The following DST variants were observed in gnomAD, a reference collection of about 807,000 sequenced individuals.
DST encodes dystonin.
Under a neutral mutation model 875.2 loss-of-function variants are expected in DST, and 253 were observed. That is an observed-to-expected ratio of 0.29 (90% confidence interval 0.26 to 0.32). The LOEUF is 0.32. Ranked by LOEUF, DST falls within the 10% of genes least tolerant of loss-of-function variation. DST has a pLI of 1.00. For missense variants in DST, 8,287 were observed against 9,111.6 expected (o/e 0.91, Z 3.68); for synonymous variants, 3,124 against 3,197.1 (o/e 0.98, Z 0.77).
At chr6:56,486,362 CAAAAAAAAAA>C (rs61164880) in intron 87 of DST, among the ~76,000 whole-genome samples, 392 of 34,034 alleles carry the variant, frequency 0.012, 7 homozygotes, top group South Asian at 0.095. Flanking sequence ...GACTCCGTCT[CAAAAAAAAAA>C]AAAAAAAAAA....
intron 4 of DST, among the ~76,000 whole-genome samples, chr6:56,830,128 A>G (rs1412230194): frequency 1.3e-5 from 2 of 152,188 alleles, no homozygotes; most frequent in African/African-American, 4.8e-5. Flanking sequence ...GAAGCTTGTA[A>G]TTACATGGAA....
rs1013788508 is a variant in DST, at chr6:56,526,622, T to G, written c.17923-55A>C. The stretch of plus-strand genomic sequence containing the variant: ...TTAAGAGCTTCAACAGACTTTTCCT[T>G]TAACTGTTCTTGGAGCTCAAGTCCT... On this transcript the variant is annotated intron_variant, in intron 68 of 103. Transcript: ENST00000680361. The G allele has an allele frequency of 4.3e-5, 66 of 1,525,080 alleles. No individual in the cohort carries two copies. In the African/African-American group the frequency reaches 8.4e-4, roughly 19 times the overall value. The allele number at this position is 1,525,080 out of a possible 1,614,324, so 94.5% of individuals were successfully genotyped here.
intron 4 of DST, among the ~76,000 whole-genome samples, chr6:56,809,913 C>T (rs2099757870): frequency 6.6e-6 from 1 of 152,224 alleles, no homozygotes; most frequent in Middle Eastern, 3.4e-3. Flanking sequence ...AGCATTTTTA[C>T]CTATCAGTAT....
chr6:56,891,282 G>A (rs2127661975), intron 3 of DST, among the ~76,000 whole-genome samples: 1 of 152,302 alleles, frequency 6.6e-6, no homozygotes, highest in Non-Finnish European at 1.5e-5. Context: ...ACCTCTCCCA[G>A]CTGGATGTGG....
chr6:56,766,671 C>G (rs373366699), intron 4 of DST, among the ~76,000 whole-genome samples: 7 of 152,250 alleles, frequency 4.6e-5, no homozygotes, highest in African/African-American at 1.7e-4. Context: ...GCTGGGATTA[C>G]AGGCACGCGC....
chr6:56,673,024 A>G (rs995902272), intron 9 of DST, among the ~76,000 whole-genome samples: 7 of 152,076 alleles, frequency 4.6e-5, no homozygotes, highest in Non-Finnish European at 7.4e-5. Context: ...GGAGGCCAAA[A>G]TGAGAGGATC....
At chr6:56,902,252 G>T (rs1285565796) in intron 2 of DST, among the ~76,000 whole-genome samples, 3 of 152,218 alleles carry the variant, frequency 2.0e-5, no homozygotes, top group African/African-American at 7.2e-5. Flanking sequence ...AATGATCCAA[G>T]AAGGGCTTCT....
chr6:56,475,248 A>C (rs1277407772), intron 92 of DST, among the ~76,000 whole-genome samples: 1 of 152,124 alleles, frequency 6.6e-6, no homozygotes. Context: ...GATGGGGAAA[A>C]GGAGACCCAG....
intron 2 of DST, among the ~76,000 whole-genome samples, chr6:56,902,858 C>A: frequency 6.6e-6 from 1 of 152,150 alleles, no homozygotes; most frequent in Non-Finnish European, 1.5e-5. Context: ...AACCAACAAC[C>A]ATACAGGCTG....
At chr6:56,596,628 C>G (rs1344405125) in intron 47 of DST, among the ~76,000 whole-genome samples, 1 of 152,160 alleles carries the variant, frequency 6.6e-6, no homozygotes, top group Non-Finnish European at 1.5e-5. Context: ...TCCCATTCTT[C>G]TTCTGGTTTA....
At chr6:56,784,846 T>C (rs893946984) in intron 4 of DST, among the ~76,000 whole-genome samples, 20 of 152,192 alleles carry the variant, frequency 1.3e-4, no homozygotes, top group African/African-American at 4.8e-4. Flanking sequence ...TTTTTCCCCA[T>C]CTTTATGGTT....
intron 3 of DST, among the ~76,000 whole-genome samples, chr6:56,854,811 A>G (rs973755943): frequency 6.6e-6 from 1 of 152,238 alleles, no homozygotes; most frequent in Admixed American, 6.5e-5. Context: ...GCACCCCTGA[A>G]AAGTTAATGA....
At chr6:56,542,829 G>A (rs1350664382) in intron 61 of DST, 1 of 152,266 alleles carries the variant, frequency 6.6e-6, no homozygotes, top group African/African-American at 2.4e-5. Flanking sequence ...TGGGCCTGCC[G>A]GGCGTTCCGG....
At chr6:56,850,905 T>C (rs1403618761) in intron 4 of DST, among the ~76,000 whole-genome samples, 1 of 152,222 alleles carries the variant, frequency 6.6e-6, no homozygotes, top group Non-Finnish European at 1.5e-5. Context: ...CAGACAGAGA[T>C]GCTACATTTA....
At position 56,624,570 on chromosome 6, in the gene DST, T is replaced by C; in HGVS notation, c.4889A>G (p.Lys1630Arg). The C allele has an allele frequency of 6.2e-7, 1 of 1,613,440 alleles. No homozygotes were observed. Among genetic ancestry groups the C allele is most frequent in the Non-Finnish European group, 8.5e-7 (1 of 1,179,714 alleles). Residue 1630 changes from lysine to arginine, a missense_variant, in exon 36 of 104, where the codon AAA becomes AGA. Physicochemically the swap from Lys to Arg is conservative, Grantham distance 26 (BLOSUM62 2). Around this residue, in one of 10 missense-constraint regions of DST, gnomAD observed 3,138 missense variants for 3,116.6 expected, o/e 1.01. Transcript: ENST00000680361. ...CCTCTTCAATGAATCACCAGCAAAT[T>C]TAATATATTGTGTCATGAGAGTGAC... ...ALVTLMTQYI[K>R]FAGDSLKRLE...
intron 102 of DST, 172 bp from the exon 103 acceptor site, chr6:56,460,426 T>G (rs1017121031): frequency 3.8e-6 from 2 of 524,488 alleles, no homozygotes; most frequent in Non-Finnish European, 6.4e-6. Context: ...TGATTTTCTC[T>G]TCTAATTTCT....
intron 37 of DST, among the ~76,000 whole-genome samples, chr6:56,613,296 C>CCCACA (rs1269758755): frequency 3.3e-5 from 5 of 152,174 alleles, no homozygotes; most frequent in African/African-American, 1.2e-4. Flanking sequence ...GTATGTAAGA[C>CCCACA]TATGACTGAA....
chr6:56,847,089 G>A (rs533385130), intron 4 of DST, among the ~76,000 whole-genome samples: 64 of 151,406 alleles, frequency 4.2e-4, no homozygotes, highest in African/African-American at 1.3e-3. Context: ...GGCCCAGGCA[G>A]AAAAGATCAC....
chr6:56,464,579 C>A (rs117326292), intron 100 of DST, 106 bp downstream of exon 100: 2 of 815,688 alleles, frequency 2.5e-6, no homozygotes, highest in Admixed American at 2.3e-5. Flanking sequence ...TTAAGCCATA[C>A]GCGATGGATG....
Sources: allele counts gnomAD v4.1 joint callset (sites outside exome capture counted in the v4.1 genomes callset), GRCh38; gene constraint gnomAD v4.1.1; regional missense constraint gnomAD v4.1.1; transcripts MANE v1.5; gene names NCBI Gene and HGNC (gene_info 2026-07-23, HGNC 2026-07-21).